The following DENND3 variants were observed in gnomAD, a reference collection of about 807,000 sequenced individuals.
The protein encoded by DENND3 is DENN domain-containing protein 3.
Under a neutral mutation model 135.1 loss-of-function variants are expected in DENND3, and 88 were observed. The ratio of observed to expected loss-of-function variants is 0.65; its 90% CI spans 0.55 to 0.78. The LOEUF (loss-of-function observed/expected upper bound fraction) is 0.78. Ranked by LOEUF, DENND3 falls within the 30% of genes least tolerant of loss-of-function variation. The pLI is 0.00. For synonymous variants in DENND3, 693 were observed against 712.3 expected (o/e 0.97, Z 0.43); for missense variants, 1,392 against 1,688.4 (o/e 0.82, Z 3.08).
At chr8:141,176,253 A>T in intron 14 of DENND3, 1 of 200,526 alleles carries the variant, frequency 5.0e-6, no homozygotes, top group South Asian at 8.8e-5. Context: ...ATATAAGGAA[A>T]GGGAGATGGA....
intron 18 of DENND3, among the ~76,000 whole-genome samples, chr8:141,187,881 C>T (rs928792526): frequency 2.6e-5 from 4 of 152,102 alleles, no homozygotes; most frequent in African/African-American, 9.7e-5. Context: ...TTTTTCAGTT[C>T]GTTCTTAGTT....
Position 141,166,054 on chromosome 8 carries a change from T to C in DENND3, c.1554-136T>C. The stretch of plus-strand genomic sequence containing the variant: ...ACTTGGTGAGATTTGGGCAACATGT[T>C]CTTACCAGTCTGTTTTCCACTGGTG... On this transcript the variant is annotated intron_variant, in intron 11 of 22. Transcript: ENST00000519811. The surrounding 1 kb of genome is among the most constrained non-coding windows in gnomAD (Gnocchi z 4.3). The C allele has an allele frequency of 1.1e-6, 1 of 901,258 alleles. No homozygotes were observed. Among genetic ancestry groups the C allele is most frequent in the East Asian group, 2.4e-5 (1 of 41,400 alleles). The allele number at this position is 901,258 out of a possible 1,614,324, so 55.8% of individuals were successfully genotyped here. A position where few individuals can be genotyped will look rare whatever the true frequency, so the allele number is the denominator to read the frequency against.
Position 141,154,397 on chromosome 8 carries a change from G to A in DENND3, c.1075-1452G>A, listed in dbSNP as rs1042074777. On this transcript the variant is annotated intron_variant, in intron 7 of 22. Coordinates refer to ENST00000519811, the MANE Select transcript of DENND3 (RefSeq NM_001352890.3). The surrounding 1 kb of genome is among the most constrained non-coding windows in gnomAD (Gnocchi z 4.4). The stretch of plus-strand genomic sequence containing the variant: ...CCCATGCTCTGGTGCTTGGAGGGGC[G>A]GAGCTGGCTGGGGAGCTGAGCCAAC... Among the ~76,000 whole-genome samples the A allele has an allele frequency of 2.0e-5, 3 of 152,174 alleles. No homozygotes were observed. The highest frequency in any genetic ancestry group is 4.4e-5 in the Non-Finnish European group (3 of 68,038).
At chr8:141,172,056 AGTG>A (rs1007875306) in intron 13 of DENND3, among the ~76,000 whole-genome samples, 13 of 134,292 alleles carry the variant, frequency 9.7e-5, no homozygotes, top group African/African-American at 2.0e-4. Context: ...GGGTGAGCAT[AGTG>A]GTGGGCACGC....
At chr8:141,185,682 C>T (rs1187069068) in intron 18 of DENND3, among the ~76,000 whole-genome samples, 4 of 151,632 alleles carry the variant, frequency 2.6e-5, no homozygotes, top group Admixed American at 6.6e-5. Context: ...AAAAATTAGC[C>T]GGGCATGGTG....
chr8:141,192,868 A>T, intron 22 of DENND3: 1 of 1,524,828 alleles, frequency 6.6e-7, no homozygotes, highest in Non-Finnish European at 8.8e-7. Context: ...TGGTCCAAGC[A>T]CTCCACAGCG....
At chr8:141,177,089 A>G in intron 15 of DENND3, 1 of 286,602 alleles carries the variant, frequency 3.5e-6, no homozygotes, top group Non-Finnish European at 6.6e-6. Context: ...GGTGCTGTCC[A>G]CACCCGCAGG....
In DENND3 at chr8:141,166,321, C is replaced by T; in HGVS notation, c.1685C>T (p.Pro562Leu). ...CCCAACCTGCAGGACATTGCCATGC[C>T]TGAGCTGGCACCCAGGAACTCCTCG... ...SMPNLQDIAM[P>L]ELAPRNSSLR... is the part of the protein sequence containing the mutation. The change falls in exon 12 of 23, where the codon CCT becomes CTT. Residue 562 changes from proline (P) to leucine (L), a missense_variant. Coordinates refer to ENST00000519811, the MANE Select transcript of DENND3 (RefSeq NM_001352890.3). The surrounding 1 kb of genome is among the most constrained non-coding windows in gnomAD (Gnocchi z 4.3). 1 of 1,613,892 alleles carries T rather than the reference C, an allele frequency of 6.2e-7. No homozygotes were observed. Among genetic ancestry groups the T allele is most frequent in the Non-Finnish European group, 8.5e-7 (1 of 1,180,024 alleles).
chr8:141,150,756 C>T lies in DENND3; in HGVS notation c.736-78C>T, dbSNP rs147416830. On this transcript the variant is annotated intron_variant, in intron 5 of 22. Coordinates refer to ENST00000519811, the MANE Select transcript of DENND3 (RefSeq NM_001352890.3). The stretch of plus-strand genomic sequence containing the variant: ...TTTCTAACTCTGATGCCCTGGGCAC[C>T]GAAATAGTGACAGTAGTGCACGTCA... 7.1e-4 allele frequency: 1,046 copies of T among 1,469,684 alleles called. 8 individuals carry two copies. The African/African-American group carries it at 0.013, about 19-fold the overall frequency. 91.0% of individuals were successfully genotyped at this position (1,469,684 alleles called of 1,614,324 possible). A position where few individuals can be genotyped will look rare whatever the true frequency, so the allele number is the denominator to read the frequency against.
intron 9 of DENND3, among the ~76,000 whole-genome samples, chr8:141,162,824 G>C (rs1444764087): frequency 6.6e-6 from 1 of 152,240 alleles, no homozygotes; most frequent in Admixed American, 6.5e-5. Context: ...TGAGGCAGAA[G>C]AATCACTTGA....
At chr8:141,165,750 C>T (rs1243845408) in intron 11 of DENND3, among the ~76,000 whole-genome samples, 1 of 152,186 alleles carries the variant, frequency 6.6e-6, no homozygotes, top group Non-Finnish European at 1.5e-5. Flanking sequence ...AGGCATGAGC[C>T]ACCACTCCTG....
chr8:141,149,769 C>T (rs906508165), intron 5 of DENND3, among the ~76,000 whole-genome samples: 9 of 152,262 alleles, frequency 5.9e-5, no homozygotes, highest in African/African-American at 1.7e-4. Flanking sequence ...CGCTGGGACG[C>T]GATTCCTTTT....
Position 141,168,247 on chromosome 8 carries a change from C to T in DENND3, c.1997C>T (p.Thr666Ile). 1 of 1,614,134 alleles carries T rather than the reference C, an allele frequency of 6.2e-7. No homozygotes were observed. Among genetic ancestry groups the T allele is most frequent in the Non-Finnish European group, 8.5e-7 (1 of 1,180,040 alleles). Residue 666 changes from threonine to isoleucine, a missense_variant, in exon 13 of 23, where the codon ACA (threonine) becomes ATA (isoleucine). By Grantham distance (89) the Thr-to-Ile change is moderately conservative (BLOSUM62 -1). Coordinates refer to ENST00000519811, the MANE Select transcript of DENND3 (RefSeq NM_001352890.3). The surrounding 1 kb of genome is among the most constrained non-coding windows in gnomAD (Gnocchi z 6.2). ...ALLDFQNLYK[T>I]DIRIFPTDLV... ...TTGGACTTCCAGAATCTGTATAAAA[C>T]AGACATACGGATCTTTCCCACTGAT...
At position 141,174,491 on chromosome 8, in the gene DENND3, C is replaced by T. The variant is rs114828767; in HGVS notation, c.2276-709C>T. Among the ~76,000 whole-genome samples the T allele has an allele frequency of 0.015, 2,344 of 152,166 alleles. 60 individuals are homozygous for T. The highest frequency in any genetic ancestry group is 0.054 in the African/African-American group (2,248 of 41,490). Reference sequence around the variant, plus strand: ...CAGGGACTTGGGATTTCCGAGGGGTCGTCCCATCTCCCGCTGACAGATAAG... The same window carrying T: ...CAGGGACTTGGGATTTCCGAGGGGTTGTCCCATCTCCCGCTGACAGATAAG... On this transcript the variant is annotated intron_variant, in intron 13 of 22. Coordinates refer to ENST00000519811, the MANE Select transcript of DENND3 (RefSeq NM_001352890.3). The surrounding 1 kb of genome is among the most constrained non-coding windows in gnomAD (Gnocchi z 4.6).
chr8:141,184,690 T>C (rs1440337697), intron 17 of DENND3: 5 of 158,016 alleles, frequency 3.2e-5, no homozygotes, highest in Admixed American at 2.5e-4. Context: ...CCAGCAAGTG[T>C]TGGGAAAGAC....
chr8:141,151,573 T>TG, intron 6 of DENND3, 46 bp from the exon 7 acceptor site: 1 of 1,565,698 alleles, frequency 6.4e-7, no homozygotes, highest in Non-Finnish European at 8.8e-7. Context: ...CTGTATTTTT[T>TG]TTTTTTTTAA....
At chr8:141,134,037 C>T (rs1816475921) in intron 1 of DENND3, among the ~76,000 whole-genome samples, 1 of 151,874 alleles carries the variant, frequency 6.6e-6, no homozygotes, top group Non-Finnish European at 1.5e-5. Context: ...CTGTAGGGGC[C>T]AGAGAGGAGC....
chr8:141,159,312 T>C (rs1413702669), intron 8 of DENND3, among the ~76,000 whole-genome samples: 2 of 152,234 alleles, frequency 1.3e-5, no homozygotes, highest in African/African-American at 4.8e-5. Context: ...ACCCTTCCCA[T>C]CACAGAGAAG....
At chr8:141,131,229 C>T (rs1361955854) in intron 1 of DENND3, among the ~76,000 whole-genome samples, 1 of 152,012 alleles carries the variant, frequency 6.6e-6, no homozygotes, top group African/African-American at 2.4e-5. Flanking sequence ...AGTTACATTC[C>T]CCTCCACCCC....
Sources: gnomAD v4.1 joint callset for allele counts (sites outside exome capture counted in the v4.1 genomes callset) on GRCh38, gnomAD v4.1.1 for gene constraint, Gnocchi (gnomAD v3.1) non-coding constraint, MANE v1.5 for transcripts, NCBI Gene and HGNC (gene_info 2026-07-23, HGNC 2026-07-21) for gene names.